EAF2: variants seen among roughly 807,000 people sequenced by gnomAD.
The protein encoded by EAF2 is ELL associated factor 2.
A neutral mutation model predicts 29.4 loss-of-function variants in EAF2; 29 were observed. That is an observed-to-expected ratio of 0.99 (90% confidence interval 0.73 to 1.35). The LOEUF is 1.35. EAF2 is among the 40% of genes most tolerant of loss of function. The pLI is 0.00. For missense variants in EAF2, 292 were observed against 312.0 expected (o/e 0.94, Z 0.48); for synonymous variants, 103 against 102.5 (o/e 1.00, Z -0.03).
chr3:121,873,200 A>T (rs1357813525), intron 5 of EAF2: 4 of 568,534 alleles, frequency 7.0e-6, no homozygotes, highest in Non-Finnish European at 1.2e-5. Flanking sequence ...TAGGCTTTAG[A>T]CACATGTTTA....
At chr3:121,874,723 T>C (rs1245993744) in intron 5 of EAF2, among the ~76,000 whole-genome samples, 1 of 151,966 alleles carries the variant, frequency 6.6e-6, no homozygotes, top group African/African-American at 2.4e-5. Context: ...CATAGTGAAT[T>C]TGTGTTTTTA....
chr3:121,852,984 A>G lies in EAF2; in HGVS notation c.202-1703A>G, dbSNP rs148837568. Among the ~76,000 whole-genome samples the G allele has an allele frequency of 3.0e-3, 451 of 152,318 alleles. 3 individuals carry two copies. The highest frequency in any genetic ancestry group is 0.01 in the African/African-American group (419 of 41,578). On this transcript the variant is annotated intron_variant, in intron 2 of 5. Transcript: ENST00000273668. ...AGCATGTAAGTAGATGTAGTTTATTAGTAATGATCTAGGTTTCTTTTATTG... is the reference window on the plus strand; with the variant it reads ...AGCATGTAAGTAGATGTAGTTTATTGGTAATGATCTAGGTTTCTTTTATTG...
chr3:121,857,641 T>G (rs1199060419), intron 4 of EAF2, among the ~76,000 whole-genome samples: 1 of 152,210 alleles, frequency 6.6e-6, no homozygotes, highest in Non-Finnish European at 1.5e-5. Flanking sequence ...TAGTTTTATG[T>G]AAGCAATATC....
intron 5 of EAF2, among the ~76,000 whole-genome samples, chr3:121,876,851 A>G (rs747337100): frequency 6.6e-6 from 1 of 151,974 alleles, no homozygotes; most frequent in African/African-American, 2.4e-5. Context: ...TCAACCCAAA[A>G]CAGAAAATAT....
chr3:121,873,654 T>C (rs1709053827), intron 5 of EAF2, among the ~76,000 whole-genome samples: 1 of 151,922 alleles, frequency 6.6e-6, no homozygotes, highest in South Asian at 2.1e-4. Context: ...TCTTTTAATA[T>C]AGAGGCAAAA....
intron 5 of EAF2, among the ~76,000 whole-genome samples, chr3:121,877,321 A>C (rs1005426675): frequency 6.6e-6 from 1 of 151,968 alleles, no homozygotes; most frequent in African/African-American, 2.4e-5. Flanking sequence ...GAAAAAATTC[A>C]GTAAGGGTAT....
At chr3:121,876,585 A>G (rs1450103981) in intron 5 of EAF2, among the ~76,000 whole-genome samples, 1 of 151,994 alleles carries the variant, frequency 6.6e-6, no homozygotes, top group Admixed American at 6.6e-5. Context: ...CTAAAACTCT[A>G]GACAATAGTT....
intron 2 of EAF2, among the ~76,000 whole-genome samples, chr3:121,846,606 C>T (rs1708534053): frequency 6.6e-6 from 1 of 152,094 alleles, no homozygotes. Context: ...GAAACTCTGT[C>T]TCAAAAAACA....
intron 5 of EAF2, among the ~76,000 whole-genome samples, chr3:121,878,167 T>A (rs1576657414): frequency 1.3e-5 from 2 of 151,790 alleles, no homozygotes; most frequent in South Asian, 2.1e-4. Context: ...AATAGACCAA[T>A]AGAATAGGCC....
At chr3:121,873,051 A>G (rs771012241) in intron 5 of EAF2, 14 of 709,986 alleles carry the variant, frequency 2.0e-5, no homozygotes, top group South Asian at 6.1e-5. Context: ...TTAAAGTTGG[A>G]GTTTCTCAAG....
At chr3:121,859,801 T>A (rs1708792215) in intron 4 of EAF2, among the ~76,000 whole-genome samples, 1 of 152,324 alleles carries the variant, frequency 6.6e-6, no homozygotes, top group Middle Eastern at 3.4e-3. Flanking sequence ...TGATATTGGC[T>A]GTGGGTTTGT....
chr3:121,866,522 T>C (rs542717873), intron 4 of EAF2, among the ~76,000 whole-genome samples: 1 of 152,196 alleles, frequency 6.6e-6, no homozygotes, highest in African/African-American at 2.4e-5. Context: ...GGTCAGGAGT[T>C]TGAGACCAGC....
chr3:121,863,809 C>T (rs1045383537), intron 4 of EAF2, among the ~76,000 whole-genome samples: 1 of 152,096 alleles, frequency 6.6e-6, no homozygotes, highest in African/African-American at 2.4e-5. Flanking sequence ...GGAGCTGTTC[C>T]TATTCAGCCA....
intron 4 of EAF2, among the ~76,000 whole-genome samples, chr3:121,869,106 A>G (rs540581622): frequency 3.9e-5 from 6 of 152,350 alleles, no homozygotes; most frequent in African/African-American, 1.2e-4. Flanking sequence ...ACACATTTCT[A>G]AAAGATCCAT....
intron 2 of EAF2, among the ~76,000 whole-genome samples, chr3:121,845,945 A>C (rs961572134): frequency 3.3e-5 from 5 of 152,134 alleles, no homozygotes; most frequent in Non-Finnish European, 7.3e-5. Flanking sequence ...ATTCAGCTTA[A>C]GTTTCTTTTT....
chr3:121,883,725 G>C (rs1709229342), intron 5 of EAF2, among the ~76,000 whole-genome samples: 1 of 152,190 alleles, frequency 6.6e-6, no homozygotes, highest in Non-Finnish European at 1.5e-5. Context: ...CCCCTGGGGG[G>C]CAGTACTACT....
At chr3:121,867,727 A>G (rs1479626763) in intron 4 of EAF2, among the ~76,000 whole-genome samples, 2 of 152,352 alleles carry the variant, frequency 1.3e-5, no homozygotes, top group East Asian at 1.9e-4. Context: ...AAGAGCAAAC[A>G]TATCAATAAG....
intron 4 of EAF2, among the ~76,000 whole-genome samples, chr3:121,867,682 T>C (rs1008265353): frequency 1.3e-5 from 2 of 151,962 alleles, no homozygotes; most frequent in African/African-American, 4.8e-5. Context: ...AATGAAGGAA[T>C]CTTAGAGTAT....
intron 4 of EAF2, among the ~76,000 whole-genome samples, chr3:121,865,132 G>T (rs1340629423): frequency 6.6e-6 from 1 of 152,156 alleles, no homozygotes; most frequent in African/African-American, 2.4e-5. Flanking sequence ...GAGGAGGCAA[G>T]GCACAGTGGC....
Sources: gnomAD v4.1 joint callset for allele counts (sites outside exome capture counted in the v4.1 genomes callset) on GRCh38, gnomAD v4.1.1 for gene constraint, MANE v1.5 for transcripts, NCBI Gene and HGNC (gene_info 2026-07-23, HGNC 2026-07-21) for gene names.